The following SORCS2 variants were observed in gnomAD, a reference collection of about 807,000 sequenced individuals.
SORCS2 encodes VPS10 domain-containing receptor SorCS2.
A neutral mutation model predicts 141.6 loss-of-function variants in SORCS2; 100 were observed. The observed-to-expected ratio is 0.71, with a 90% CI of 0.60 to 0.83. SORCS2 has a LOEUF of 0.83. Ranked by LOEUF, SORCS2 falls within the 40% of genes least tolerant of loss-of-function variation. The pLI, the probability that SORCS2 is intolerant of heterozygous loss-of-function variation, is 0.00. For synonymous variants in SORCS2, 789 were observed against 676.9 expected (o/e 1.17, Z -2.57); for missense variants, 1,646 against 1,560.2 (o/e 1.05, Z -0.93).
At chr4:7,275,907 G>A (rs1715467762) in intron 1 of SORCS2, among the ~76,000 whole-genome samples, 2 of 152,052 alleles carry the variant, frequency 1.3e-5, no homozygotes, top group South Asian at 2.1e-4. Context: ...TCAAAAACCC[G>A]GGACTCCTAG....
At chr4:7,298,708 T>C (rs964023756) in intron 1 of SORCS2, among the ~76,000 whole-genome samples, 4 of 152,130 alleles carry the variant, frequency 2.6e-5, no homozygotes, top group Admixed American at 2.6e-4. Context: ...CCCGCCGTAG[T>C]ATAGGGAGCG....
chr4:7,651,665 G>A (rs1485165650), intron 4 of SORCS2, among the ~76,000 whole-genome samples: 3 of 152,210 alleles, frequency 2.0e-5, no homozygotes, highest in African/African-American at 7.2e-5. Context: ...GCTGGACAGG[G>A]GAGCCGCTCC....
At chr4:7,308,641 C>G (rs571012583) in intron 1 of SORCS2, among the ~76,000 whole-genome samples, 1 of 152,270 alleles carries the variant, frequency 6.6e-6, no homozygotes, top group East Asian at 1.9e-4. Context: ...AAGGTGCCCA[C>G]TGGCCACCCA....
At chr4:7,341,463 G>A (rs953663257) in intron 1 of SORCS2, among the ~76,000 whole-genome samples, 1 of 152,196 alleles carries the variant, frequency 6.6e-6, no homozygotes, top group African/African-American at 2.4e-5. Context: ...TGGCCTTCCT[G>A]GCTGGATTCT....
In SORCS2 at chr4:7,418,237, G is replaced by A. The variant is rs577812617; in HGVS notation, c.548+21882G>A. Among the ~76,000 whole-genome samples, 17 of 152,286 alleles carry A rather than the reference G, an allele frequency of 1.1e-4. No individual in the cohort carries two copies. The South Asian group carries it at 2.1e-3, about 19-fold the overall frequency. On this transcript the variant is annotated intron_variant, in intron 2 of 26. Transcript: ENST00000507866. ...CACAGCCTCTGTCCCCATGGGGCTC[G>A]CGTTCTAGCAGGGAGGCAGACAAGT...
At chr4:7,244,013 C>T (rs1219108319) in intron 1 of SORCS2, among the ~76,000 whole-genome samples, 8 of 152,220 alleles carry the variant, frequency 5.3e-5, no homozygotes, top group African/African-American at 1.2e-4. Context: ...GGTGTTGAGT[C>T]GTCTCCTCTG....
chr4:7,389,202 G>A (rs968255590), intron 1 of SORCS2, among the ~76,000 whole-genome samples: 2 of 152,186 alleles, frequency 1.3e-5, no homozygotes, highest in African/African-American at 2.4e-5. Context: ...GGAGGTCTTC[G>A]TCCATGTTGG....
intron 2 of SORCS2, among the ~76,000 whole-genome samples, chr4:7,473,787 A>G (rs1360413499): frequency 6.6e-6 from 1 of 152,082 alleles, no homozygotes; most frequent in African/African-American, 2.4e-5. Flanking sequence ...TGGGGTCACC[A>G]GGGACCCGGA....
chr4:7,208,946 C>A (rs1240014063), intron 1 of SORCS2, among the ~76,000 whole-genome samples: 1 of 152,228 alleles, frequency 6.6e-6, no homozygotes, highest in Admixed American at 6.5e-5. Context: ...CCCACCTTTC[C>A]AGCAGACAGC....
Position 7,482,635 on chromosome 4 carries a change from G to A in SORCS2, c.549-48895G>A, listed in dbSNP as rs541142049. Among the ~76,000 whole-genome samples the A allele has an allele frequency of 2.9e-3, 195 of 66,610 alleles. 19 individuals carry two copies. Among genetic ancestry groups the A allele is most frequent in the Admixed American group, 4.9e-3 (31 of 6,272 alleles). 43.7% of individuals were successfully genotyped at this position (66,610 alleles called of 152,430 possible). On this transcript the variant is annotated intron_variant, in intron 2 of 26. Transcript: ENST00000507866. ...TATCCCCACTGCGGACACCCCTGAC[G>A]CTGTTTAGACCTGTATCCCCGCTGC...
chr4:7,279,621 C>A (rs1455295077), intron 1 of SORCS2, among the ~76,000 whole-genome samples: 2 of 152,244 alleles, frequency 1.3e-5, no homozygotes, highest in Non-Finnish European at 1.5e-5. Context: ...ATTATCAAGG[C>A]ATGGCGCAGG....
chr4:7,585,965 G>A (rs150707453), intron 3 of SORCS2, among the ~76,000 whole-genome samples: 2 of 152,252 alleles, frequency 1.3e-5, no homozygotes, highest in Non-Finnish European at 2.9e-5. Flanking sequence ...CATTTATCTC[G>A]CCTGGTTTTC....
intron 5 of SORCS2, among the ~76,000 whole-genome samples, chr4:7,658,708 C>T (rs944565100): frequency 6.6e-6 from 1 of 152,158 alleles, no homozygotes; most frequent in Non-Finnish European, 1.5e-5. Flanking sequence ...TTATGGATTT[C>T]CCCTGTCCAC....
At chr4:7,331,291 G>A (rs1399106508) in intron 1 of SORCS2, among the ~76,000 whole-genome samples, 1 of 152,186 alleles carries the variant, frequency 6.6e-6, no homozygotes, top group Admixed American at 6.5e-5. Flanking sequence ...TTGGGGCTGG[G>A]GTGGTTGGGG....
intron 1 of SORCS2, among the ~76,000 whole-genome samples, chr4:7,235,202 G>A (rs570929399): frequency 1.3e-5 from 2 of 152,338 alleles, no homozygotes; most frequent in African/African-American, 2.4e-5. Flanking sequence ...GCACTGTGCC[G>A]GCTTGCATGA....
chr4:7,391,969 G>A lies in SORCS2; in HGVS notation c.481-4319G>A, dbSNP rs1293068023. Among the ~76,000 whole-genome samples the A allele has an allele frequency of 2.6e-5, 4 of 152,322 alleles. No homozygotes were observed. In the South Asian group the frequency reaches 6.2e-4, roughly 24 times the overall value. On this transcript the variant is annotated intron_variant, in intron 1 of 26. Transcript: ENST00000507866. ...TGAAACTCGCAGAAGCTAGAGGAGT[G>A]GCAGCTGCTGCCGGACCGGCCCTGT...
chr4:7,574,644 G>T (rs1560397849), intron 3 of SORCS2, among the ~76,000 whole-genome samples: 1 of 152,022 alleles, frequency 6.6e-6, no homozygotes. Flanking sequence ...AGGGAGGAAG[G>T]GAGGGAGAGA....
intron 2 of SORCS2, among the ~76,000 whole-genome samples, chr4:7,490,009 G>C (rs1182430639): frequency 6.6e-6 from 1 of 152,182 alleles, no homozygotes; most frequent in African/African-American, 2.4e-5. Flanking sequence ...TGTATTTCAG[G>C]TCTAGAAAGA....
chr4:7,525,096 C>T (rs145511222), intron 2 of SORCS2, among the ~76,000 whole-genome samples: 367 of 152,330 alleles, frequency 2.4e-3, no homozygotes, highest in Non-Finnish European at 4.5e-3. Flanking sequence ...AATAAATCTT[C>T]ATCATTAGAT....
Sources: gnomAD v4.1 joint callset for allele counts (sites outside exome capture counted in the v4.1 genomes callset) on GRCh38, gnomAD v4.1.1 for gene constraint, MANE v1.5 for transcripts, NCBI Gene and HGNC (gene_info 2026-07-23, HGNC 2026-07-21) for gene names.